The following CNTN1 variants were observed in gnomAD, a reference collection of about 807,000 sequenced individuals.
CNTN1 encodes the protein contactin-1.
In CNTN1, 38 loss-of-function variants were observed where a neutral mutation model predicts 126.4. That is an observed-to-expected ratio of 0.30 (90% confidence interval 0.23 to 0.39). The LOEUF (loss-of-function observed/expected upper bound fraction) is 0.39. CNTN1 is among the 10% of genes least tolerant of loss of function. The pLI is 1.00. For missense variants in CNTN1, 1,009 were observed against 1,248.4 expected (o/e 0.81, Z 2.89); for synonymous variants, 413 against 422.6 (o/e 0.98, Z 0.28).
intron 12 of CNTN1, among the ~76,000 whole-genome samples, chr12:40,940,150 G>C (rs1007155525): frequency 2.0e-5 from 3 of 152,096 alleles, no homozygotes; most frequent in Non-Finnish European, 2.9e-5. Flanking sequence ...TGGGAAATGG[G>C]AGGGATGGGA....
At chr12:41,068,834 A>C (rs1950104097) in intron 23 of CNTN1, among the ~76,000 whole-genome samples, 1 of 152,174 alleles carries the variant, frequency 6.6e-6, no homozygotes, top group Admixed American at 6.5e-5. Context: ...TGTTCATTGA[A>C]GATAGTGCCA....
chr12:40,741,779 C>A (rs2136382441), intron 1 of CNTN1, among the ~76,000 whole-genome samples: 1 of 152,004 alleles, frequency 6.6e-6, no homozygotes, highest in South Asian at 2.1e-4. Flanking sequence ...TTTTACTTAT[C>A]TTTTGTGATG....
chr12:40,945,618 A>C (rs1446045344), intron 14 of CNTN1, among the ~76,000 whole-genome samples: 2 of 152,096 alleles, frequency 1.3e-5, no homozygotes, highest in East Asian at 3.9e-4. Flanking sequence ...ATATTCTTTA[A>C]AATACTAATT....
intron 14 of CNTN1, among the ~76,000 whole-genome samples, chr12:40,950,329 CA>C (rs1195167209): frequency 6.6e-6 from 1 of 152,048 alleles, no homozygotes; most frequent in Non-Finnish European, 1.5e-5. Context: ...GTATTGGAAA[CA>C]AAGAGATGTT....
intron 1 of CNTN1, among the ~76,000 whole-genome samples, chr12:40,716,992 A>G (rs954373034): frequency 2.5e-4 from 38 of 152,206 alleles, no homozygotes; most frequent in African/African-American, 7.7e-4. Flanking sequence ...GGGGAAAGAG[A>G]AAATAATGGT....
intron 1 of CNTN1, among the ~76,000 whole-genome samples, chr12:40,889,051 C>T (rs1463061247): frequency 6.6e-6 from 1 of 152,224 alleles, no homozygotes; most frequent in African/African-American, 2.4e-5. Flanking sequence ...TTGACTGAAG[C>T]TGTAAAAAGT....
At chr12:40,756,425 A>G (rs995387073) in intron 1 of CNTN1, among the ~76,000 whole-genome samples, 1 of 152,168 alleles carries the variant, frequency 6.6e-6, no homozygotes, top group African/African-American at 2.4e-5. Context: ...TAGGAAGTCA[A>G]TAACTAAAAG....
chr12:40,735,877 G>A (rs1398834805), intron 1 of CNTN1, among the ~76,000 whole-genome samples: 1 of 152,054 alleles, frequency 6.6e-6, no homozygotes, highest in Non-Finnish European at 1.5e-5. Context: ...TGAGCTGGCT[G>A]TAGAAACTCT....
chr12:41,038,309 C>G (rs1387447460), intron 23 of CNTN1, among the ~76,000 whole-genome samples: 6 of 152,078 alleles, frequency 3.9e-5, no homozygotes, highest in Admixed American at 2.0e-4. Flanking sequence ...TTTTCTAGAG[C>G]TGTCATGACA....
chr12:40,742,819 A>G (rs1938002553), intron 1 of CNTN1, among the ~76,000 whole-genome samples: 1 of 152,084 alleles, frequency 6.6e-6, no homozygotes, highest in Admixed American at 6.6e-5. Flanking sequence ...TTAATCAAAT[A>G]TGCCAGGCAC....
intron 15 of CNTN1, among the ~76,000 whole-genome samples, chr12:40,974,099 T>A (rs567624039): frequency 6.6e-6 from 1 of 152,180 alleles, no homozygotes; most frequent in African/African-American, 2.4e-5. Flanking sequence ...TCCTCATTTT[T>A]AAAAATTAGT....
chr12:40,801,621 G>A (rs970007473), intron 1 of CNTN1, among the ~76,000 whole-genome samples: 6 of 151,808 alleles, frequency 4.0e-5, no homozygotes, highest in Non-Finnish European at 1.5e-5. Flanking sequence ...TTCATAATTT[G>A]GAAAAGAATA....
intron 1 of CNTN1, among the ~76,000 whole-genome samples, chr12:40,846,075 A>G (rs1179000110): frequency 6.6e-6 from 1 of 152,216 alleles, no homozygotes; most frequent in Non-Finnish European, 1.5e-5. Context: ...AAATTACTTC[A>G]GCAATAACAC....
chr12:41,047,014 A>T (rs555342044), intron 23 of CNTN1, among the ~76,000 whole-genome samples: 5 of 152,042 alleles, frequency 3.3e-5, no homozygotes, highest in Middle Eastern at 3.4e-3. Flanking sequence ...CATATTAAAT[A>T]TAACTGTTCA....
intron 23 of CNTN1, among the ~76,000 whole-genome samples, chr12:41,057,165 G>A: frequency 8.2e-6 from 1 of 122,358 alleles, no homozygotes; most frequent in Admixed American, 8.1e-5. Context: ...TAAATATTAA[G>A]ATATTTATAT....
chr12:40,894,633 C>T (rs554296817), intron 1 of CNTN1, among the ~76,000 whole-genome samples: 2 of 152,168 alleles, frequency 1.3e-5, no homozygotes, highest in East Asian at 1.9e-4. Context: ...CCCATTTTTT[C>T]TCCAGTCCCC....
intron 1 of CNTN1, among the ~76,000 whole-genome samples, chr12:40,821,814 T>A (rs1011922854): frequency 6.6e-6 from 1 of 151,724 alleles, no homozygotes; most frequent in African/African-American, 2.4e-5. Flanking sequence ...ATTAGAAGTA[T>A]TTTTTTTCTC....
intron 1 of CNTN1, among the ~76,000 whole-genome samples, chr12:40,829,265 G>T (rs1181719521): frequency 6.6e-6 from 1 of 151,676 alleles, no homozygotes. Context: ...TATATTACTA[G>T]TGAATATATA....
chr12:40,771,917 T>C (rs1423478592), intron 1 of CNTN1, among the ~76,000 whole-genome samples: 2 of 152,014 alleles, frequency 1.3e-5, no homozygotes, highest in African/African-American at 4.8e-5. Flanking sequence ...AATACACACA[T>C]AGCAATTTGG....
Sources: gnomAD v4.1 joint callset for allele counts (sites outside exome capture counted in the v4.1 genomes callset) on GRCh38, gnomAD v4.1.1 for gene constraint, MANE v1.5 for transcripts, NCBI Gene and HGNC (gene_info 2026-07-23, HGNC 2026-07-21) for gene names.